H2BC18: variants seen among roughly 807,000 people sequenced by gnomAD.
H2BC18 encodes histone H2B type 2-F.
H2BC18 carries 8 observed loss-of-function variants against 6.3 expected under a neutral mutation model. That is an observed-to-expected ratio of 1.28 (90% CI 0.75 to 2.31). The LOEUF is 2.31. Ranked by LOEUF, H2BC18 falls within the 30% of genes most tolerant of loss-of-function variation. The pLI is 0.00. For synonymous variants in H2BC18, 104 were observed against 78.1 expected (o/e 1.33, Z -1.75); for missense variants, 106 against 174.5 (o/e 0.61, Z 2.21).
intron 1 of H2BC18, among the ~76,000 whole-genome samples, chr1:149,799,938 TAC>T (rs2091847568): frequency 6.6e-6 from 1 of 152,086 alleles, no homozygotes; most frequent in Non-Finnish European, 1.5e-5. Flanking sequence ...CAGCTGAGTG[TAC>T]TCCAATTCAA....
chr1:149,784,659 T>C (rs1159288851), intron 1 of H2BC18, among the ~76,000 whole-genome samples: 1 of 148,732 alleles, frequency 6.7e-6, no homozygotes, highest in Non-Finnish European at 1.5e-5. Context: ...TATATACATA[T>C]TATGCATATA....
chr1:149,812,316 T>G lies in H2BC18; in HGVS notation c.8A>C (p.Asp3Ala). Residue 3 changes from aspartate to alanine, a missense_variant, in exon 1 of 1, where the codon GAT (aspartate) becomes GCT (alanine). Around this residue, in one of 3 missense-constraint regions of H2BC18, gnomAD observed 70 missense variants for 64.6 expected, o/e 1.08. Coordinates refer to ENST00000369167, the MANE Select transcript of H2BC18 (RefSeq NM_001024599.5). Reference sequence around the variant, plus strand: ...GGGAGCAGGAGCGGATTTCGCTGGATCCGGCATTTTTGCGCGAAAAAAGAG... The same window carrying G: ...GGGAGCAGGAGCGGATTTCGCTGGAGCCGGCATTTTTGCGCGAAAAAAGAG... MP[D>A]PAKSAPAPKK... 1 of 1,614,192 alleles carries G rather than the reference T, an allele frequency of 6.2e-7. No individual in the cohort carries two copies. The highest frequency in any genetic ancestry group is 1.3e-5 in the African/African-American group (1 of 75,042).
In H2BC18 at chr1:149,812,073, T is replaced by C. The variant is rs1405984120; in HGVS notation, c.251A>G (p.Tyr84Cys). ...IAGEASRLAHYNKRSTITSRE... is the reference protein window; with the variant it reads ...IAGEASRLAHCNKRSTITSRE... ...GGATGTGATGGTGGAGCGCTTGTTGTAGTGCGCCAGGCGGGACGCCTCTCC... is the reference window on the plus strand; with the variant it reads ...GGATGTGATGGTGGAGCGCTTGTTGCAGTGCGCCAGGCGGGACGCCTCTCC... The change falls in exon 1 of 1, where the codon TAC (tyrosine) becomes TGC (cysteine). Residue 84 changes from tyrosine to cysteine, a missense_variant. Tyr to Cys is a radical substitution (Grantham distance 194, BLOSUM62 -2). Transcript: ENST00000369167. The C allele has an allele frequency of 1.9e-6, 3 of 1,614,134 alleles. No individual in the cohort carries two copies. The highest frequency in any genetic ancestry group is 2.2e-5 in the East Asian group (1 of 44,892).
chr1:149,784,429 T>C (rs1571382870), intron 1 of H2BC18, among the ~76,000 whole-genome samples: 1 of 152,122 alleles, frequency 6.6e-6, no homozygotes, highest in East Asian at 1.9e-4. Flanking sequence ...GCAGGGTCCT[T>C]AAACTGTGTA....
chr1:149,811,853 G>A (rs2091978672), downstream of H2BC18: 12 of 1,180,040 alleles, frequency 1.0e-5, no homozygotes, highest in Non-Finnish European at 1.1e-5. Context: ...GCTCTGACAA[G>A]TGTTTACAGC....
downstream of H2BC18, chr1:149,810,377 A>G (rs587597540): frequency 4.0e-5 from 6 of 151,190 alleles, no homozygotes; most frequent in African/African-American, 1.5e-4. Flanking sequence ...GGGAATCTTT[A>G]TTTTCTAGTG....
At chr1:149,784,756 G>A (rs1553750642) in intron 1 of H2BC18, among the ~76,000 whole-genome samples, 1 of 149,988 alleles carries the variant, frequency 6.7e-6, no homozygotes, top group East Asian at 1.9e-4. Context: ...GTGGGTGGTA[G>A]AACACTTTCT....
chr1:149,787,424 G>A (rs2091582408), intron 1 of H2BC18: 3 of 152,224 alleles, frequency 2.0e-5, no homozygotes, highest in Admixed American at 2.0e-4. Flanking sequence ...AAAGCCCATT[G>A]ACTTGGAGCT....
At chr1:149,792,793 T>C in intron 1 of H2BC18, 1 of 1,279,574 alleles carries the variant, frequency 7.8e-7, no homozygotes, top group Admixed American at 2.3e-5. Flanking sequence ...GAGCGAGAAA[T>C]GAGCTGTAGG....
rs782237072 is a variant in H2BC18, at chr1:149,812,044, C to G, written c.280G>C (p.Glu94Gln). 11 of 1,614,276 alleles carry G rather than the reference C, an allele frequency of 6.8e-6. No homozygotes were observed. Among genetic ancestry groups the G allele is most frequent in the South Asian group, 1.1e-5 (1 of 91,088 alleles). The change falls in exon 1 of 1, where the codon GAG (glutamate) becomes CAG (glutamine). Residue 94 changes from glutamate to glutamine, a missense_variant. Physicochemically the swap from Glu to Gln is conservative, Grantham distance 29. Around this residue, in one of 3 missense-constraint regions of H2BC18, gnomAD observed 35 missense variants for 72.3 expected, o/e 0.48. Coordinates refer to ENST00000369167, the MANE Select transcript of H2BC18 (RefSeq NM_001024599.5). ...AGCAGGCGCACGGCCGTCTGGATCT[C>G]GCGGGATGTGATGGTGGAGCGCTTG... ...YNKRSTITSREIQTAVRLLLP... is the reference protein window; with the variant it reads ...YNKRSTITSRQIQTAVRLLLP...
chr1:149,811,835 T>C (rs587731819), downstream of H2BC18: 311 of 1,011,750 alleles, frequency 3.1e-4, no homozygotes, highest in African/African-American at 4.6e-3. Context: ...GACCAAAAGC[T>C]ATCAAACGCT....
chr1:149,800,520 A>AT, intron 1 of H2BC18, among the ~76,000 whole-genome samples: 1 of 143,610 alleles, frequency 7.0e-6, no homozygotes, highest in Middle Eastern at 3.2e-3. Context: ...ATTAATAAAC[A>AT]AAACGACATC....
intron 1 of H2BC18, chr1:149,788,661 G>T: frequency 1.2e-6 from 2 of 1,610,098 alleles, no homozygotes; most frequent in Non-Finnish European, 1.7e-6. Context: ...CCCTCCCCCT[G>T]AGGGACCATC....
chr1:149,788,246 T>G (rs1553751046), intron 1 of H2BC18: 1 of 1,607,276 alleles, frequency 6.2e-7, no homozygotes, highest in Non-Finnish European at 8.5e-7. Flanking sequence ...GGCCTGAGAT[T>G]TGGCAGAGCT....
chr1:149,788,547 T>C (rs1553751174), intron 1 of H2BC18: 2 of 1,613,920 alleles, frequency 1.2e-6, no homozygotes, highest in Non-Finnish European at 1.7e-6. Context: ...TAAGTCACAA[T>C]GGCACCTACC....
rs1559748972 is a variant in H2BC18, at chr1:149,792,820, CG to C, written c.378-9561del. 2.3e-6 allele frequency: 3 copies of C among 1,278,726 alleles called. No homozygotes were observed. In the Admixed American group the frequency reaches 7.0e-5, roughly 30 times the overall value. 79.2% of individuals were successfully genotyped at this position (1,278,726 alleles called of 1,614,324 possible). Reference sequence around the variant, plus strand: ...AGCTGTAGGAGTCGGTGGGCAGCAACGGCGGCAGGCGGATGGAAGAGAGCAA... The same window carrying C: ...AGCTGTAGGAGTCGGTGGGCAGCAACGCGGCAGGCGGATGGAAGAGAGCAA... On this transcript the variant is annotated intron_variant, in intron 1 of 1. Coordinates refer to the H2BC18 transcript ENST00000545683.
At chr1:149,800,678 ATTT>A (rs1553753235) in intron 1 of H2BC18, among the ~76,000 whole-genome samples, 1 of 142,744 alleles carries the variant, frequency 7.0e-6, no homozygotes, top group Non-Finnish European at 1.5e-5. Context: ...CCCTTGTTGA[ATTT>A]TTATGTCAAT....
rs1238361140 is a variant in H2BC18 at position 149,793,658 on chromosome 1, C to T, written c.378-10398G>A. 5.3e-5 allele frequency among the ~76,000 whole-genome samples: 8 copies of T among 151,686 alleles called. No homozygotes were observed. In the East Asian group the frequency reaches 1.5e-3, roughly 29 times the overall value. ...CAATCCGAGAGCTTCCAAGCCAAAG[C>T]ACAGCTCCCCAGAGTGGACAAGTGG... is the stretch of plus-strand genomic sequence containing the variant. On this transcript the variant is annotated intron_variant, in intron 1 of 1. Transcript: ENST00000545683.
downstream of H2BC18, among the ~76,000 whole-genome samples, chr1:149,808,752 A>G (rs1217939446): frequency 6.6e-6 from 1 of 152,202 alleles, no homozygotes; most frequent in Non-Finnish European, 1.5e-5. Context: ...ATGATCTGCT[A>G]TAGTTCAGCT....
Sources: gnomAD v4.1 joint callset for allele counts (sites outside exome capture counted in the v4.1 genomes callset) on GRCh38, gnomAD v4.1.1 for gene constraint, gnomAD v4.1.1 regional missense constraint, MANE v1.5 for transcripts, NCBI Gene and HGNC (gene_info 2026-07-23, HGNC 2026-07-21) for gene names.